Variants in CCSER1 observed in about 807,000 individuals in gnomAD.
CCSER1 encodes the protein serine-rich coiled-coil domain-containing protein 1.
A neutral mutation model predicts 82.0 loss-of-function variants in CCSER1; 41 were observed. The observed-to-expected ratio is 0.50, with a 90% CI of 0.39 to 0.65. CCSER1 has a LOEUF of 0.65. Ranked by LOEUF, CCSER1 falls within the 30% of genes least tolerant of loss-of-function variation. The pLI, the probability that CCSER1 is intolerant of heterozygous loss-of-function variation, is 0.00. For synonymous variants in CCSER1, 414 were observed against 383.9 expected (o/e 1.08, Z -0.92); for missense variants, 1,119 against 1,064.2 (o/e 1.05, Z -0.72).
intron 5 of CCSER1, among the ~76,000 whole-genome samples, chr4:90,576,366 T>C (rs975587345): frequency 2.6e-5 from 4 of 152,188 alleles, no homozygotes; most frequent in Admixed American, 2.0e-4. Flanking sequence ...TAAACTTACG[T>C]TGACACATCA....
At chr4:90,645,196 A>G (rs2149006532) in intron 6 of CCSER1, among the ~76,000 whole-genome samples, 1 of 152,230 alleles carries the variant, frequency 6.6e-6, no homozygotes, top group South Asian at 2.1e-4. Context: ...ACATTGTTTC[A>G]TAGCAAATTT....
intron 9 of CCSER1, among the ~76,000 whole-genome samples, chr4:91,076,573 T>A (rs1722018002): frequency 6.6e-6 from 1 of 152,188 alleles, no homozygotes; most frequent in Non-Finnish European, 1.5e-5. Flanking sequence ...TTACTAGATC[T>A]GGAACTTAGT....
intron 10 of CCSER1, among the ~76,000 whole-genome samples, chr4:91,105,852 C>T (rs186100700): frequency 7.9e-4 from 120 of 152,256 alleles, no homozygotes; most frequent in African/African-American, 2.7e-3. Flanking sequence ...AAAAACCTGT[C>T]CTAAACTAAA....
chr4:90,399,386 G>A (rs1391269940), intron 3 of CCSER1, among the ~76,000 whole-genome samples: 1 of 152,006 alleles, frequency 6.6e-6, no homozygotes, highest in East Asian at 1.9e-4. Context: ...AATATAGATT[G>A]TTTTCCTGCC....
chr4:91,218,607 G>A lies in CCSER1; in HGVS notation c.2217+132613G>A, dbSNP rs1737487375. On this transcript the variant is annotated intron_variant, in intron 10 of 10. Coordinates refer to ENST00000509176, the MANE Select transcript of CCSER1 (RefSeq NM_001145065.2). ...TAGAACTTAATGATACATAACACTA[G>A]TGTACTTTGAGGAAATTTCATTGAA... is the stretch of plus-strand genomic sequence containing the variant. Among the ~76,000 whole-genome samples, 4 of 152,188 alleles carry A rather than the reference G, an allele frequency of 2.6e-5. No homozygotes were observed. In the South Asian group the frequency reaches 8.3e-4, roughly 31 times the overall value.
intron 10 of CCSER1, among the ~76,000 whole-genome samples, chr4:91,388,158 G>A (rs1299476319): frequency 6.6e-6 from 1 of 151,968 alleles, no homozygotes; most frequent in African/African-American, 2.4e-5. Flanking sequence ...TGAGATTACA[G>A]GCATGAATCA....
chr4:91,351,643 G>A (rs182703592), intron 10 of CCSER1, among the ~76,000 whole-genome samples: 4 of 152,126 alleles, frequency 2.6e-5, no homozygotes, highest in Non-Finnish European at 5.9e-5. Context: ...TTTTTGCCCT[G>A]TGGATCATTT....
chr4:91,019,022 T>C (rs1338757730), intron 9 of CCSER1, among the ~76,000 whole-genome samples: 1 of 152,068 alleles, frequency 6.6e-6, no homozygotes, highest in Non-Finnish European at 1.5e-5. Flanking sequence ...TCTCTATCAT[T>C]TATTGCTATG....
chr4:90,583,362 C>T (rs1781634237), intron 5 of CCSER1, among the ~76,000 whole-genome samples: 1 of 152,024 alleles, frequency 6.6e-6, no homozygotes, highest in African/African-American at 2.4e-5. Context: ...GATGGGGTTT[C>T]ACCATGTTGG....
intron 9 of CCSER1, among the ~76,000 whole-genome samples, chr4:91,083,415 G>T (rs114300082): frequency 0.011 from 1,671 of 152,022 alleles, 28 homozygotes; most frequent in African/African-American, 0.037. Flanking sequence ...CTGCCGGGGG[G>T]TTGGCGGGGG....
intron 10 of CCSER1, among the ~76,000 whole-genome samples, chr4:91,576,688 TTTTG>T (rs1425974317): frequency 6.6e-6 from 1 of 151,960 alleles, no homozygotes; most frequent in Non-Finnish European, 1.5e-5. Context: ...TGAAATTCAT[TTTTG>T]TTTTTTATAC....
chr4:90,406,639 G>A (rs536398556), intron 4 of CCSER1, among the ~76,000 whole-genome samples: 2 of 152,080 alleles, frequency 1.3e-5, no homozygotes, highest in South Asian at 2.1e-4. Flanking sequence ...TAAGGAAATC[G>A]AAATTATATC....
intron 1 of CCSER1, among the ~76,000 whole-genome samples, chr4:90,163,416 A>T (rs922218999): frequency 2.0e-5 from 3 of 152,162 alleles, no homozygotes; most frequent in African/African-American, 7.2e-5. Flanking sequence ...TCACATTACA[A>T]ACTGAAGAAA....
chr4:90,128,502 T>C (rs1209213967), intron 1 of CCSER1, among the ~76,000 whole-genome samples: 3 of 151,306 alleles, frequency 2.0e-5, no homozygotes, highest in Non-Finnish European at 3.0e-5. Flanking sequence ...TGCGTGTGTG[T>C]GTGTGTGTGT....
intron 1 of CCSER1, among the ~76,000 whole-genome samples, chr4:90,254,298 C>G (rs1258119039): frequency 1.3e-5 from 2 of 152,136 alleles, no homozygotes; most frequent in Non-Finnish European, 2.9e-5. Context: ...CACCAGTGTT[C>G]CAGAGCTGGT....
chr4:90,550,769 G>T (rs1777370700), intron 5 of CCSER1, among the ~76,000 whole-genome samples: 1 of 152,082 alleles, frequency 6.6e-6, no homozygotes, highest in East Asian at 1.9e-4. Flanking sequence ...ACTTTTATTT[G>T]TCAAGTATAC....
chr4:90,213,121 C>G (rs1740343883), intron 1 of CCSER1, among the ~76,000 whole-genome samples: 2 of 152,144 alleles, frequency 1.3e-5, no homozygotes, highest in Non-Finnish European at 2.9e-5. Flanking sequence ...ACTCTGGCAT[C>G]AGTGTTGAAA....
chr4:91,002,599 A>C (rs1472246447), intron 9 of CCSER1, among the ~76,000 whole-genome samples: 2 of 152,032 alleles, frequency 1.3e-5, no homozygotes, highest in Non-Finnish European at 2.9e-5. Flanking sequence ...CTGAAGTTTT[A>C]ATTTTTTTTA....
At chr4:91,165,316 C>T (rs991529355) in intron 10 of CCSER1, among the ~76,000 whole-genome samples, 1 of 152,192 alleles carries the variant, frequency 6.6e-6, no homozygotes, top group African/African-American at 2.4e-5. Context: ...CTGATCCTTC[C>T]TCTGGAAGCT....
Sources: gnomAD v4.1 joint callset for allele counts (sites outside exome capture counted in the v4.1 genomes callset) on GRCh38, gnomAD v4.1.1 for gene constraint, MANE v1.5 for transcripts, NCBI Gene and HGNC (gene_info 2026-07-23, HGNC 2026-07-21) for gene names.